The following MYCBPAP variants were observed in gnomAD, a reference collection of about 807,000 sequenced individuals.
The protein encoded by MYCBPAP is MYCBP-associated protein.
MYCBPAP carries 60 observed loss-of-function variants against 106.1 expected under a neutral mutation model. The observed-to-expected ratio is 0.57, with a 90% CI of 0.46 to 0.70. The LOEUF (loss-of-function observed/expected upper bound fraction) is 0.70. Among genes scored for constraint, MYCBPAP ranks in the 30% least tolerant of loss-of-function variants. MYCBPAP has a pLI of 0.00. For synonymous variants in MYCBPAP, 407 were observed against 440.6 expected, an observed-to-expected ratio of 0.92 and a Z score of 0.95; for missense variants, 1,064 against 1,169.3, an observed-to-expected ratio of 0.91 and a Z score of 1.31.
At chr17:50,518,197 T>A (rs962748635) in intron 4 of MYCBPAP, among the ~76,000 whole-genome samples, 1 of 152,234 alleles carries the variant, frequency 6.6e-6, no homozygotes, top group Non-Finnish European at 1.5e-5. Flanking sequence ...CCAGGCTGAC[T>A]CTGATTGGTC....
At chr17:50,509,445 G>GT in intron 1 of MYCBPAP, 1 of 325,310 alleles carries the variant, frequency 3.1e-6, no homozygotes. Flanking sequence ...GACTTCCATG[G>GT]ACATGTTCTC....
chr17:50,523,521 TGCATGTAGGA>T (rs1358942108), intron 11 of MYCBPAP, 66 bp from the exon 12 acceptor site: 2 of 1,474,384 alleles, frequency 1.4e-6, no homozygotes, highest in Admixed American at 1.8e-5. Context: ...CTCAGTTAAC[TGCATGTAGGA>T]GCATGTAGGC....
rs556875380 is a variant in MYCBPAP, at chr17:50,517,211, C to T, written c.205-82C>T. 6.5e-5 allele frequency: 88 copies of T among 1,362,734 alleles called. No individual in the cohort carries two copies. In the African/African-American group the frequency reaches 1.2e-3, roughly 18 times the overall value. The allele number at this position is 1,362,734 out of a possible 1,614,324, so 84.4% of individuals were successfully genotyped here. A position where few individuals can be genotyped will look rare whatever the true frequency, so the allele number is the denominator to read the frequency against. On this transcript the variant is annotated intron_variant, in intron 2 of 18. Transcript: ENST00000323776. The stretch of plus-strand genomic sequence containing the variant: ...TCTGTCAGCCTTCAGGAACTCCACC[C>T]AGAACTAGAACAGAAGAGATGGGTG...
intron 12 of MYCBPAP, among the ~76,000 whole-genome samples, chr17:50,524,364 C>T (rs374709841): frequency 6.6e-6 from 1 of 152,056 alleles, no homozygotes; most frequent in Non-Finnish European, 1.5e-5. Flanking sequence ...ATCACAAGGC[C>T]GGCTCCTTCA....
intron 6 of MYCBPAP, 24 bp from the exon 7 acceptor site, chr17:50,519,616 G>T: frequency 1.2e-6 from 2 of 1,613,512 alleles, no homozygotes; most frequent in Non-Finnish European, 8.5e-7. Context: ...CTGGTAATCT[G>T]ACTCACCTTT....
chr17:50,515,008 G>C (rs983998578), intron 1 of MYCBPAP: 40 of 320,720 alleles, frequency 1.2e-4, no homozygotes, highest in Non-Finnish European at 2.5e-4. Flanking sequence ...GCTGTCTCTG[G>C]GCTCTGCCTC....
intron 1 of MYCBPAP, among the ~76,000 whole-genome samples, chr17:50,511,533 C>T (rs536640066): frequency 8.5e-5 from 13 of 152,270 alleles, no homozygotes; most frequent in South Asian, 4.1e-4. Flanking sequence ...AAATAGAGTC[C>T]GGGTTTCTTC....
intron 16 of MYCBPAP, 132 bp downstream of exon 16, chr17:50,528,402 C>T: frequency 1.2e-6 from 1 of 847,750 alleles, no homozygotes; most frequent in Non-Finnish European, 1.9e-6. Context: ...GGAGTAGGCC[C>T]CTTACCCCTT....
At chr17:50,508,344 G>C (rs2033687844), upstream of MYCBPAP, 2 of 482,428 alleles carry the variant, frequency 4.1e-6, no homozygotes, top group Non-Finnish European at 3.6e-6. Flanking sequence ...CGCAACTCGC[G>C]GGGGTCCTCG....
chr17:50,519,537 G>A, intron 6 of MYCBPAP, 103 bp from the exon 7 acceptor site: 1 of 1,359,810 alleles, frequency 7.4e-7, no homozygotes, highest in Non-Finnish European at 1.0e-6. Context: ...ATTCCCCAGA[G>A]GAAGCATCTG....
At position 50,509,536 on chromosome 17, in the gene MYCBPAP, CTGTGTGTGTGTGTGTGTGTG is replaced by C. The variant is rs71353648; in HGVS notation, c.76+806_76+825del. 3.6e-4 allele frequency: 54 copies of C among 151,072 alleles called. 3 individuals carry two copies. The highest frequency in any genetic ancestry group is 2.0e-3 in the East Asian group (11 of 5,400). The allele number at this position is 151,072 out of a possible 1,614,324, so 9.4% of individuals were successfully genotyped here. On this transcript the variant is annotated intron_variant, in intron 1 of 18. Coordinates refer to ENST00000323776, the MANE Select transcript of MYCBPAP (RefSeq NM_032133.6). ...AAATTTAATTTTTAGCTTTTTTTTT[CTGTGTGTGTGTGTGTGTGTG>C]TGTGTGTGTGTGTGTGTGTTTGTAA...
intron 1 of MYCBPAP, among the ~76,000 whole-genome samples, chr17:50,514,617 A>G (rs1453043161): frequency 6.6e-6 from 1 of 151,604 alleles, no homozygotes; most frequent in East Asian, 1.9e-4. Flanking sequence ...GGCTGCCACA[A>G]CGGACTCTTA....
At chr17:50,531,066 C>A (rs2034625362) in intron 18 of MYCBPAP, among the ~76,000 whole-genome samples, 1 of 151,312 alleles carries the variant, frequency 6.6e-6, no homozygotes, top group Admixed American at 6.6e-5. Flanking sequence ...ATGGGAGAAT[C>A]ACCTGAGCCA....
intron 6 of MYCBPAP, 58 bp downstream of exon 6, chr17:50,519,147 G>T: frequency 8.2e-7 from 1 of 1,216,884 alleles, no homozygotes; most frequent in East Asian, 2.4e-5. Flanking sequence ...GAGGGGGCGG[G>T]GGCAGGTGTC....
chr17:50,508,510 G>A lies in MYCBPAP; in HGVS notation c.-165G>A, dbSNP rs972336131. 5.2e-6 allele frequency: 8 copies of A among 1,529,196 alleles called. No homozygotes were observed. The highest frequency in any genetic ancestry group is 2.5e-5 in the East Asian group (1 of 40,000). The allele number at this position is 1,529,196 out of a possible 1,614,324, so 94.7% of individuals were successfully genotyped here. On this transcript the variant is annotated 5_prime_UTR_variant, in exon 1 of 19. Coordinates refer to ENST00000323776, the MANE Select transcript of MYCBPAP (RefSeq NM_032133.6). ...GCGTGCGCGGCCCGATGAAGAAGGAGGTTTCCAAGCCGTCTCCGCCCAAGT... is the reference window on the plus strand; with the variant it reads ...GCGTGCGCGGCCCGATGAAGAAGGAAGTTTCCAAGCCGTCTCCGCCCAAGT...
intron 10 of MYCBPAP, 130 bp from the exon 11 acceptor site, chr17:50,522,809 C>T: frequency 7.3e-6 from 6 of 816,588 alleles, no homozygotes; most frequent in Middle Eastern, 3.6e-4. Context: ...GTGACAGTGG[C>T]CAAGCCCTGG....
intron 4 of MYCBPAP, among the ~76,000 whole-genome samples, chr17:50,518,049 A>T (rs1257412744): frequency 6.6e-6 from 1 of 152,132 alleles, no homozygotes; most frequent in East Asian, 1.9e-4. Context: ...TTCTCTGGAG[A>T]CTGGCCTGCC....
intron 1 of MYCBPAP, chr17:50,510,499 G>GTGTGTGTGTATATATATA (rs1418345705): frequency 3.9e-5 from 3 of 76,410 alleles, no homozygotes; most frequent in African/African-American, 1.4e-4. Context: ...GTGTGTGTGT[G>GTGTGTGTGTATATATATA]TATATATATA....
At chr17:50,509,133 C>A in intron 1 of MYCBPAP, 1 of 702,932 alleles carries the variant, frequency 1.4e-6, no homozygotes, top group Non-Finnish European at 2.6e-6. Flanking sequence ...AATTGGGGTC[C>A]TTGGGAAGAG....
Sources: gnomAD v4.1 joint callset for allele counts (sites outside exome capture counted in the v4.1 genomes callset) on GRCh38, gnomAD v4.1.1 for gene constraint, MANE v1.5 for transcripts, NCBI Gene and HGNC (gene_info 2026-07-23, HGNC 2026-07-21) for gene names.